Variants in CACNB2 observed in about 807,000 individuals in gnomAD.
The protein encoded by CACNB2 is calcium voltage-gated channel auxiliary subunit beta 2, also known as voltage-dependent L-type calcium channel subunit beta-2.
Under a neutral mutation model 73.3 loss-of-function variants are expected in CACNB2, and 42 were observed. That is an observed-to-expected ratio of 0.57 (90% CI 0.45 to 0.74). CACNB2 has a LOEUF of 0.74. CACNB2 is among the 30% of genes least tolerant of loss of function. CACNB2 has a pLI of 0.00. For synonymous variants in CACNB2, 348 were observed against 310.3 expected (o/e 1.12, Z -1.28); for missense variants, 940 against 853.0 (o/e 1.10, Z -1.27).
At chr10:18,190,860 T>G (rs967667455) in intron 2 of CACNB2, among the ~76,000 whole-genome samples, 1 of 152,224 alleles carries the variant, frequency 6.6e-6, no homozygotes, top group Non-Finnish European at 1.5e-5. Flanking sequence ...AAGATGAGTC[T>G]GTATCAGCAA....
At chr10:18,333,372 A>T (rs1275079023) in intron 2 of CACNB2, among the ~76,000 whole-genome samples, 1 of 152,094 alleles carries the variant, frequency 6.6e-6, no homozygotes, top group South Asian at 2.1e-4. Flanking sequence ...TAAATAGTAC[A>T]GCTTTGGGAC....
intron 10 of CACNB2, among the ~76,000 whole-genome samples, chr10:18,528,091 C>T (rs993648700): frequency 6.6e-6 from 1 of 152,158 alleles, no homozygotes; most frequent in African/African-American, 2.4e-5. Context: ...AAGGATTAAA[C>T]ATGATATGTG....
At chr10:18,178,158 T>C (rs913368698) in intron 2 of CACNB2, among the ~76,000 whole-genome samples, 1 of 152,198 alleles carries the variant, frequency 6.6e-6, no homozygotes, top group African/African-American at 2.4e-5. Flanking sequence ...TCGGGTAATG[T>C]AGACTGGAGT....
chr10:18,140,882 T>G, intron 1 of CACNB2, 26 bp downstream of exon 1: 1 of 1,578,894 alleles, frequency 6.3e-7, no homozygotes, highest in Non-Finnish European at 8.6e-7. Flanking sequence ...CGCCTTCTCC[T>G]TCCTTTGTGA....
At position 18,307,983 on chromosome 10, in the gene CACNB2, C is replaced by CTTTTTTTTTTTTTTTTTT. The variant is rs869311555; in HGVS notation, c.214-93931_214-93914dup. Among the ~76,000 whole-genome samples, 612 of 70,218 alleles carry CTTTTTTTTTTTTTTTTTT rather than the reference C, an allele frequency of 8.7e-3. 132 individuals carry two copies. The highest frequency in any genetic ancestry group is 0.012 in the Non-Finnish European group (456 of 36,690). The allele number at this position is 70,218 out of a possible 152,430, so 46.1% of individuals were successfully genotyped here. On this transcript the variant is annotated intron_variant, in intron 2 of 13. Coordinates refer to ENST00000324631, the MANE Select transcript of CACNB2 (RefSeq NM_201596.3). Reference sequence around the variant, plus strand: ...TTAAGTCTAAAATAATATATGCCAACTTTTTTTTTTTTTTTTTTTTTTTTT... The same window carrying CTTTTTTTTTTTTTTTTTT: ...TTAAGTCTAAAATAATATATGCCAACTTTTTTTTTTTTTTTTTTTTTTTTTTTTTTTTTTTTTTTTTTT...
intron 2 of CACNB2, among the ~76,000 whole-genome samples, chr10:18,201,385 C>T (rs1367295149): frequency 6.6e-6 from 1 of 151,908 alleles, no homozygotes; most frequent in Non-Finnish European, 1.5e-5. Flanking sequence ...AGCAGTTCTC[C>T]TGCCTCAGCC....
At chr10:18,349,495 A>G (rs1423613726) in intron 2 of CACNB2, among the ~76,000 whole-genome samples, 1 of 152,138 alleles carries the variant, frequency 6.6e-6, no homozygotes, top group African/African-American at 2.4e-5. Flanking sequence ...CTTCTCTGGG[A>G]CCATTTTCCA....
chr10:18,459,344 T>A (rs1364931336), intron 3 of CACNB2, among the ~76,000 whole-genome samples: 3 of 152,194 alleles, frequency 2.0e-5, no homozygotes, highest in Admixed American at 1.3e-4. Context: ...GGAACAATTT[T>A]GAAGGAAGGA....
chr10:18,493,691 C>T (rs937761639), intron 3 of CACNB2, among the ~76,000 whole-genome samples: 1 of 152,126 alleles, frequency 6.6e-6, no homozygotes, highest in Non-Finnish European at 1.5e-5. Context: ...GGCCACTCAC[C>T]TAATAAATGG....
chr10:18,529,343 C>G (rs1405364036), intron 10 of CACNB2, among the ~76,000 whole-genome samples: 1 of 151,916 alleles, frequency 6.6e-6, no homozygotes, highest in African/African-American at 2.4e-5. Flanking sequence ...ATGTGGAAGC[C>G]CATGAATAAA....
chr10:18,430,076 A>G (rs752882430), intron 3 of CACNB2, among the ~76,000 whole-genome samples: 6 of 152,060 alleles, frequency 3.9e-5, no homozygotes, highest in Non-Finnish European at 8.8e-5. Context: ...GAATTTTGGT[A>G]TAATCTTCTA....
chr10:18,192,033 G>A (rs2034421154), intron 2 of CACNB2, among the ~76,000 whole-genome samples: 1 of 151,336 alleles, frequency 6.6e-6, no homozygotes, highest in Non-Finnish European at 1.5e-5. Flanking sequence ...TCAATATAAG[G>A]TACAAGTGAA....
intron 3 of CACNB2, among the ~76,000 whole-genome samples, chr10:18,449,860 G>T (rs777508066): frequency 1.3e-5 from 2 of 152,186 alleles, no homozygotes; most frequent in Non-Finnish European, 2.9e-5. Context: ...AGTTACAGCA[G>T]AGAAGGGGCC....
rs76933945 is a variant in CACNB2, at chr10:18,499,229, C to G, written c.456+752C>G. 0.013 allele frequency among the ~76,000 whole-genome samples: 1,908 copies of G among 152,234 alleles called. 85 individuals are homozygous for G. The South Asian group carries it at 0.13, about 11-fold the overall frequency. On this transcript the variant is annotated intron_variant, in intron 4 of 13. Coordinates refer to ENST00000324631, the MANE Select transcript of CACNB2 (RefSeq NM_201596.3). ...GAATTTATACTTGGAGCTCTTCCATCTAGGGTATATATAATATGTCATAGG... is the reference window on the plus strand; with the variant it reads ...GAATTTATACTTGGAGCTCTTCCATGTAGGGTATATATAATATGTCATAGG...
intron 3 of CACNB2, among the ~76,000 whole-genome samples, chr10:18,447,863 CAG>C (rs1359948459): frequency 6.6e-6 from 1 of 151,810 alleles, no homozygotes; most frequent in Non-Finnish European, 1.5e-5. Flanking sequence ...TTGCTCAACA[CAG>C]GGAAATTCTT....
intron 3 of CACNB2, among the ~76,000 whole-genome samples, chr10:18,481,724 G>C (rs10828764): frequency 0.43 from 65,046 of 151,716 alleles, 14,329 homozygotes; most frequent in South Asian, 0.53. Flanking sequence ...TCTATTCCCT[G>C]AGATTGTACT....
At chr10:18,351,985 T>C (rs2041726519) in intron 2 of CACNB2, among the ~76,000 whole-genome samples, 1 of 152,214 alleles carries the variant, frequency 6.6e-6, no homozygotes, top group African/African-American at 2.4e-5. Flanking sequence ...TCTCAAGGCG[T>C]GTTCAGAGTC....
At chr10:18,420,242 T>C (rs2045245882) in intron 3 of CACNB2, among the ~76,000 whole-genome samples, 2 of 152,146 alleles carry the variant, frequency 1.3e-5, no homozygotes, top group Non-Finnish European at 2.9e-5. Flanking sequence ...CCAAGATCTA[T>C]TCTTTAAGTA....
intron 2 of CACNB2, among the ~76,000 whole-genome samples, chr10:18,254,359 T>G (rs1304585662): frequency 6.6e-6 from 1 of 152,226 alleles, no homozygotes; most frequent in Non-Finnish European, 1.5e-5. Flanking sequence ...TGTTTTAAAT[T>G]TATCATTGAG....
Sources: gnomAD v4.1 joint callset for allele counts (sites outside exome capture counted in the v4.1 genomes callset) on GRCh38, gnomAD v4.1.1 for gene constraint, MANE v1.5 for transcripts, NCBI Gene and HGNC (gene_info 2026-07-23, HGNC 2026-07-21) for gene names.